Variants in AATK observed in about 807,000 individuals in gnomAD.
AATK encodes lemur tail kinase 1, also known as serine/threonine-protein kinase LMTK1.
A neutral mutation model predicts 114.3 loss-of-function variants in AATK; 91 were observed. The observed-to-expected ratio is 0.80, with a 90% confidence interval of 0.67 to 0.95. The LOEUF (loss-of-function observed/expected upper bound fraction) is 0.95, where lower values mean the gene tolerates loss of function less well. Among genes scored for constraint, AATK ranks in the 40% least tolerant of loss-of-function variants. AATK has a pLI of 0.00. For synonymous variants in AATK, 1,075 were observed against 916.5 expected (o/e 1.17, Z -3.12); for missense variants, 2,176 against 1,965.2 (o/e 1.11, Z -2.03).
chr17:81,125,809 G>A, intron 7 of AATK: 1 of 448,014 alleles, frequency 2.2e-6, no homozygotes, highest in Non-Finnish European at 4.7e-6. Flanking sequence ...CCTAGGGGGT[G>A]GAGTGGGGTG....
intron 1 of AATK, among the ~76,000 whole-genome samples, chr17:81,138,440 C>T (rs530141118): frequency 8.8e-6 from 1 of 113,120 alleles, no homozygotes; most frequent in South Asian, 3.5e-4. Flanking sequence ...TGCAAACACA[C>T]CCACAGATGC....
intron 1 of AATK, among the ~76,000 whole-genome samples, chr17:81,138,022 GC>G (rs1004243464): frequency 7.3e-6 from 1 of 136,754 alleles, no homozygotes; most frequent in African/African-American, 2.8e-5. Context: ...GCACCCACAT[GC>G]ACGCAAACCC....
At chr17:81,133,200 G>C (rs2060961397) in intron 2 of AATK, 1 of 489,360 alleles carries the variant, frequency 2.0e-6, no homozygotes, top group African/African-American at 1.9e-5. Context: ...GATGGGGCCT[G>C]TGGCCACTTC....
intron 12 of AATK, 88 bp from the exon 13 acceptor site, chr17:81,119,668 CTCCCATCAT>C: frequency 1.6e-6 from 1 of 618,368 alleles, no homozygotes; most frequent in Non-Finnish European, 2.2e-6. Context: ...CAGGCCCCGC[CTCCCATCAT>C]GTCACGGGCC....
intron 1 of AATK, among the ~76,000 whole-genome samples, chr17:81,146,188 T>TAAAA (rs34197372): frequency 0.036 from 4,476 of 124,524 alleles, 132 homozygotes; most frequent in South Asian, 0.077. Flanking sequence ...GACTCCATAT[T>TAAAA]AAAAAAAAAA....
At chr17:81,150,395 A>ACCCCATCCTAGGGCTCCCC (rs2061279662) in intron 1 of AATK, among the ~76,000 whole-genome samples, 1 of 37,330 alleles carries the variant, frequency 2.7e-5, no homozygotes, top group East Asian at 8.8e-4. Context: ...TAGTGCTCCC[A>ACCCCATCCTAGGGCTCCCC]CCCCATCCTA....
intron 1 of AATK, among the ~76,000 whole-genome samples, chr17:81,138,455 G>GCACA (rs139901979): frequency 0.064 from 9,321 of 146,080 alleles, 352 homozygotes; most frequent in African/African-American, 0.12. Flanking sequence ...AGATGCATGT[G>GCACA]CACACACACC....
At chr17:81,119,719 AG>A in intron 12 of AATK, 139 bp from the exon 13 acceptor site, 1 of 956,938 alleles carries the variant, frequency 1.0e-6, no homozygotes, top group Non-Finnish European at 1.3e-6. Context: ...TCACGGGCCC[AG>A]GCCCCGCCTC....
At chr17:81,118,753 G>A (rs537662715) in intron 13 of AATK, among the ~76,000 whole-genome samples, 2 of 152,210 alleles carry the variant, frequency 1.3e-5, no homozygotes, top group Non-Finnish European at 2.9e-5. Context: ...CAGCCACACA[G>A]GGGGCACCCT....
intron 1 of AATK, among the ~76,000 whole-genome samples, chr17:81,151,065 G>A (rs2061288389): frequency 6.6e-6 from 1 of 152,156 alleles, no homozygotes; most frequent in Non-Finnish European, 1.5e-5. Context: ...AGGGAGGAAG[G>A]GGTACTCTGT....
In AATK at chr17:81,154,617, C is replaced by A. The variant is rs560024552; in HGVS notation, c.55+11321G>T. Among the ~76,000 whole-genome samples the A allele has an allele frequency of 1.1e-3, 124 of 114,126 alleles. 27 individuals are homozygous for A. The highest frequency in any genetic ancestry group is 5.6e-3 in the African/African-American group (117 of 20,962). 74.9% of individuals were successfully genotyped at this position (114,126 alleles called of 152,430 possible). A position where few individuals can be genotyped will look rare whatever the true frequency, so the allele number is the denominator to read the frequency against. ...TACAGGCGTGAACCACCACACCCAG[C>A]CTTTCCTACTATTTTATTTACTTAT... On this transcript the variant is annotated intron_variant, in intron 1 of 13. Transcript: ENST00000326724.
chr17:81,134,219 C>A, intron 2 of AATK, 149 bp downstream of exon 2: 2 of 1,039,446 alleles, frequency 1.9e-6, no homozygotes, highest in Non-Finnish European at 2.8e-6. Context: ...GGCCAGGGTC[C>A]ACGTGGTCCC....
At chr17:81,127,271 C>A (rs1292564930) in intron 6 of AATK, among the ~76,000 whole-genome samples, 3 of 146,954 alleles carry the variant, frequency 2.0e-5, no homozygotes, top group East Asian at 1.9e-4. Flanking sequence ...CCAGTGCCCC[C>A]CCCCAGTTGG....
At chr17:81,128,594 C>G in intron 3 of AATK, 45 bp from the exon 4 acceptor site, 1 of 1,544,410 alleles carries the variant, frequency 6.5e-7, no homozygotes, top group Non-Finnish European at 8.7e-7. Context: ...GGCCTCCGCA[C>G]CCCCCAGCTT....
intron 13 of AATK, among the ~76,000 whole-genome samples, 191 bp downstream of exon 13, chr17:81,119,189 T>C (rs4969251): frequency 0.2 from 14,620 of 74,220 alleles, 1,157 homozygotes; most frequent in South Asian, 0.24. Context: ...GAGGGTCAGG[T>C]GAGGGCCAGG....
At chr17:81,145,173 C>A (rs1431758863) in intron 1 of AATK, among the ~76,000 whole-genome samples, 4 of 147,290 alleles carry the variant, frequency 2.7e-5, no homozygotes, top group African/African-American at 1.0e-4. Context: ...GTGGAAAATG[C>A]AGTGAGTCAA....
intron 1 of AATK, among the ~76,000 whole-genome samples, chr17:81,157,782 GAA>G (rs1408494273): frequency 1.3e-5 from 2 of 152,252 alleles, no homozygotes; most frequent in Non-Finnish European, 2.9e-5. Context: ...TGACAGTGGA[GAA>G]GCCTCCAAGG....
At chr17:81,119,128 G>A (rs1156928177) in intron 13 of AATK, among the ~76,000 whole-genome samples, 1 of 142,826 alleles carries the variant, frequency 7.0e-6, no homozygotes. Context: ...GAGTGCAGGG[G>A]CCAGGTGAGG....
chr17:81,139,273 G>T (rs944825778), intron 1 of AATK, among the ~76,000 whole-genome samples: 1 of 152,162 alleles, frequency 6.6e-6, no homozygotes, highest in African/African-American at 2.4e-5. Context: ...AGCCACGTGG[G>T]AGGCCCCACT....
Sources: allele counts gnomAD v4.1 joint callset (sites outside exome capture counted in the v4.1 genomes callset), GRCh38; gene constraint gnomAD v4.1.1; transcripts MANE v1.5; gene names NCBI Gene and HGNC (gene_info 2026-07-23, HGNC 2026-07-21).